IFT80: variants seen among roughly 807,000 people sequenced by gnomAD.
The protein encoded by IFT80 is intraflagellar transport 80, also known as intraflagellar transport protein 80 homolog.
IFT80 carries 79 observed loss-of-function variants against 107.9 expected under a neutral mutation model. The observed-to-expected ratio is 0.73, with a 90% CI of 0.61 to 0.88. The LOEUF (loss-of-function observed/expected upper bound fraction) is 0.88, where lower values mean the gene tolerates loss of function less well. Ranked by LOEUF, IFT80 falls within the 40% of genes least tolerant of loss-of-function variation. The pLI is 0.00. For missense variants in IFT80, 797 were observed against 914.2 expected, an observed-to-expected ratio of 0.87 and a Z score of 1.65; for synonymous variants, 299 against 300.9, an observed-to-expected ratio of 0.99 and a Z score of 0.07.
chr3:160,307,822 T>G (rs944743120), intron 9 of IFT80, 41 bp from the exon 10 acceptor site: 1 of 1,017,704 alleles, frequency 9.8e-7, no homozygotes, highest in East Asian at 2.5e-5. Context: ...CATTATAACA[T>G]ATCCAAATTT....
Position 160,357,582 on chromosome 3 carries a change from T to A in IFT80, c.550-4A>T, listed in dbSNP as rs769891425. 7 of 1,565,856 alleles carry A rather than the reference T, an allele frequency of 4.5e-6. No individual in the cohort carries two copies. Among genetic ancestry groups the A allele is most frequent in the South Asian group, 1.1e-5 (1 of 88,840 alleles). On this transcript the variant is annotated splice_polypyrimidine_tract_variant and splice_region_variant and intron_variant, in intron 6 of 19. Transcript: ENST00000326448. ...TAATGCCATCATGAGCTTTCCACTG[T>A]GAGAAAAAAGAATAAGATATTAATT... is the stretch of plus-strand genomic sequence containing the variant.
At chr3:160,305,359 A>G (rs1716763800) in intron 10 of IFT80, among the ~76,000 whole-genome samples, 1 of 152,188 alleles carries the variant, frequency 6.6e-6, no homozygotes, top group Admixed American at 6.5e-5. Context: ...AGCAAAATAA[A>G]TAAATTACTG....
chr3:160,309,858 A>T (rs1035734000), intron 9 of IFT80, among the ~76,000 whole-genome samples: 1 of 152,180 alleles, frequency 6.6e-6, no homozygotes, highest in African/African-American at 2.4e-5. Flanking sequence ...TTATTTTCAA[A>T]CTATATTTTA....
intron 5 of IFT80, among the ~76,000 whole-genome samples, chr3:160,369,054 C>T (rs926697347): frequency 1.3e-5 from 2 of 151,986 alleles, no homozygotes; most frequent in Non-Finnish European, 2.9e-5. Context: ...ATTAAGTCAG[C>T]TATGACACCA....
chr3:160,317,345 T>C (rs1410807890), intron 9 of IFT80, among the ~76,000 whole-genome samples: 3 of 152,134 alleles, frequency 2.0e-5, no homozygotes, highest in Non-Finnish European at 4.4e-5. Context: ...ATAAATATTA[T>C]TTTAAACACA....
intron 9 of IFT80, among the ~76,000 whole-genome samples, chr3:160,315,894 G>A (rs866757354): frequency 3.9e-4 from 60 of 152,114 alleles, no homozygotes; most frequent in African/African-American, 1.4e-3. Context: ...TGATAAAGTA[G>A]TATATTTCTG....
chr3:160,328,042 T>C (rs896218474), intron 8 of IFT80, among the ~76,000 whole-genome samples: 19 of 152,140 alleles, frequency 1.2e-4, no homozygotes, highest in Non-Finnish European at 2.5e-4. Context: ...AAAAGATGTC[T>C]TCTCAAAAGA....
rs1716378143 is a variant in IFT80, at chr3:160,300,951, A to G, written c.1247T>C (p.Ile416Thr). The G allele has an allele frequency of 6.2e-7, 1 of 1,611,550 alleles. No individual in the cohort carries two copies. Among genetic ancestry groups the G allele is most frequent in the Non-Finnish European group, 8.5e-7 (1 of 1,178,648 alleles). ...CAAAGACACAGTCTGTGCATTCAGA[A>G]TATCTGTTCTCATTCCAGGAAATTT... is the stretch of plus-strand genomic sequence containing the variant. ...SPKFPGMRTD[I>T]LNAQTVSLSN... Residue 416 changes from isoleucine to threonine, a missense_variant, in exon 12 of 20, where the codon ATT becomes ACT. By Grantham distance (89) the Ile-to-Thr change is moderately conservative. Transcript: ENST00000326448.
intron 11 of IFT80, among the ~76,000 whole-genome samples, chr3:160,301,474 T>C (rs575748070): frequency 6.6e-6 from 1 of 151,906 alleles, no homozygotes; most frequent in Non-Finnish European, 1.5e-5. Context: ...AAGATTATGC[T>C]AAAAATAATT....
chr3:160,309,308 T>G (rs758247892), intron 9 of IFT80, among the ~76,000 whole-genome samples: 1 of 152,180 alleles, frequency 6.6e-6, no homozygotes, highest in East Asian at 1.9e-4. Flanking sequence ...GGACAGGTTG[T>G]ATAAACTATG....
intron 12 of IFT80, among the ~76,000 whole-genome samples, chr3:160,297,895 G>A (rs1716111515): frequency 6.6e-6 from 1 of 152,084 alleles, no homozygotes; most frequent in South Asian, 2.1e-4. Flanking sequence ...GTTTTTCAGT[G>A]TTAACATGTA....
intron 8 of IFT80, among the ~76,000 whole-genome samples, chr3:160,350,000 G>A (rs1288760502): frequency 6.6e-6 from 1 of 152,064 alleles, no homozygotes; most frequent in African/African-American, 2.4e-5. Context: ...GCCTGTTCCT[G>A]TTTTTAAAAT....
intron 1 of IFT80, among the ~76,000 whole-genome samples, chr3:160,385,210 T>C (rs1024601616): frequency 6.6e-6 from 1 of 152,212 alleles, no homozygotes; most frequent in Non-Finnish European, 1.5e-5. Context: ...TTATAAAAGT[T>C]ATGTAAAAAT....
At chr3:160,389,608 A>G (rs1713207752) in intron 1 of IFT80, among the ~76,000 whole-genome samples, 1 of 150,676 alleles carries the variant, frequency 6.6e-6, no homozygotes, top group African/African-American at 2.4e-5. Flanking sequence ...CCGATAGTTT[A>G]CTGAGAATGA....
At chr3:160,339,720 T>C (rs906226668) in intron 8 of IFT80, among the ~76,000 whole-genome samples, 3 of 152,166 alleles carry the variant, frequency 2.0e-5, no homozygotes, top group Non-Finnish European at 4.4e-5. Flanking sequence ...AAAGTAATTA[T>C]AAAAGAAGTT....
intron 8 of IFT80, among the ~76,000 whole-genome samples, chr3:160,353,883 G>A (rs1341843429): frequency 2.0e-5 from 3 of 151,992 alleles, no homozygotes; most frequent in Non-Finnish European, 4.4e-5. Flanking sequence ...AAAAGATAGA[G>A]GTTAACATTC....
chr3:160,272,960 T>C (rs1406744396), intron 18 of IFT80, among the ~76,000 whole-genome samples: 1 of 152,192 alleles, frequency 6.6e-6, no homozygotes, highest in African/African-American at 2.4e-5. Context: ...GCATAGGTTA[T>C]ATGTAAATAC....
In IFT80 at chr3:160,338,091, A is replaced by G. The variant is rs140188174; in HGVS notation, c.777+17922T>C. On this transcript the variant is annotated intron_variant, in intron 8 of 19. Coordinates refer to ENST00000326448, the MANE Select transcript of IFT80 (RefSeq NM_020800.3). ...AGACTTCAGGTTCTAAAATGGCAGCATAGAAATAAGGTGGCTTCAACCACA... is the reference window on the plus strand; with the variant it reads ...AGACTTCAGGTTCTAAAATGGCAGCGTAGAAATAAGGTGGCTTCAACCACA... Among the ~76,000 whole-genome samples, 204 of 152,310 alleles carry G rather than the reference A, an allele frequency of 1.3e-3. 1 individual carries two copies. The highest frequency in any genetic ancestry group is 4.6e-3 in the African/African-American group (192 of 41,562).
intron 8 of IFT80, among the ~76,000 whole-genome samples, chr3:160,342,187 C>T (rs961625078): frequency 1.3e-5 from 2 of 152,138 alleles, no homozygotes; most frequent in African/African-American, 2.4e-5. Context: ...AATCATTTAG[C>T]TTAGACAATT....
Sources: gnomAD v4.1 joint callset for allele counts (sites outside exome capture counted in the v4.1 genomes callset) on GRCh38, gnomAD v4.1.1 for gene constraint, MANE v1.5 for transcripts, NCBI Gene and HGNC (gene_info 2026-07-23, HGNC 2026-07-21) for gene names.